The following ANKRD12 variants were observed in gnomAD, a reference collection of about 807,000 sequenced individuals.
ANKRD12 encodes ankyrin repeat domain-containing protein 12.
A neutral mutation model predicts 183.4 loss-of-function variants in ANKRD12; 85 were observed. The ratio of observed to expected loss-of-function variants is 0.46; its 90% CI spans 0.39 to 0.56. The LOEUF is 0.56. Ranked by LOEUF, ANKRD12 falls within the 20% of genes least tolerant of loss-of-function variation. ANKRD12 has a pLI of 0.00. For synonymous variants in ANKRD12, 914 were observed against 800.2 expected (o/e 1.14, Z -2.40); for missense variants, 2,405 against 2,357.1 (o/e 1.02, Z -0.42).
At chr18:9,150,230 T>G (rs1022879546) in intron 1 of ANKRD12, among the ~76,000 whole-genome samples, 1 of 152,192 alleles carries the variant, frequency 6.6e-6, no homozygotes, top group Non-Finnish European at 1.5e-5. Context: ...ATCTTTTGCT[T>G]CTTTCCCTAT....
chr18:9,194,253 C>A (rs1156851174), intron 2 of ANKRD12, among the ~76,000 whole-genome samples: 3 of 152,050 alleles, frequency 2.0e-5, no homozygotes, highest in Non-Finnish European at 4.4e-5. Context: ...TGAGATTTTG[C>A]ATTTCTAGTA....
At chr18:9,253,862 GGTATACACCCAAAAGAAAGGAAATCA>G (rs1242115800) in intron 8 of ANKRD12, among the ~76,000 whole-genome samples, 6 of 152,006 alleles carry the variant, frequency 3.9e-5, no homozygotes, top group African/African-American at 7.3e-5. Context: ...CCAACTGCTG[GGTATACACCCAAAAGAAAGGAAATCA>G]GTATATCAAA....
chr18:9,185,189 G>A (rs1307114641), intron 2 of ANKRD12, among the ~76,000 whole-genome samples: 1 of 152,200 alleles, frequency 6.6e-6, no homozygotes, highest in African/African-American at 2.4e-5. Context: ...CACTAGACAA[G>A]GAGCAGTTCA....
At chr18:9,187,985 A>G (rs987010654) in intron 2 of ANKRD12, among the ~76,000 whole-genome samples, 11 of 152,234 alleles carry the variant, frequency 7.2e-5, no homozygotes, top group African/African-American at 2.7e-4. Flanking sequence ...AAATTAGAAA[A>G]TACATATAAG....
chr18:9,195,487 G>T (rs2034727003), intron 2 of ANKRD12, 64 bp from the exon 3 acceptor site: 20 of 1,220,606 alleles, frequency 1.6e-5, no homozygotes, highest in South Asian at 2.1e-5. Context: ...TTTCCTTAGG[G>T]GTTTCTATAC....
At chr18:9,175,998 C>T (rs2033234421) in intron 1 of ANKRD12, among the ~76,000 whole-genome samples, 1 of 152,160 alleles carries the variant, frequency 6.6e-6, no homozygotes, top group Admixed American at 6.6e-5. Context: ...AGAAGTCTGT[C>T]AGACAAGACT....
At chr18:9,152,353 G>A (rs945015227) in intron 1 of ANKRD12, among the ~76,000 whole-genome samples, 54 of 152,172 alleles carry the variant, frequency 3.5e-4, no homozygotes, top group African/African-American at 1.2e-3. Context: ...CATTGGCCCA[G>A]GAATGGCAGA....
At chr18:9,246,501 G>A (rs933654057) in intron 8 of ANKRD12, among the ~76,000 whole-genome samples, 13 of 152,126 alleles carry the variant, frequency 8.5e-5, no homozygotes, top group Admixed American at 4.6e-4. Context: ...TTGAAAGACT[G>A]ATGGTTTCCA....
intron 6 of ANKRD12, among the ~76,000 whole-genome samples, chr18:9,214,804 C>T (rs575087478): frequency 6.6e-6 from 1 of 152,268 alleles, no homozygotes; most frequent in Admixed American, 6.5e-5. Context: ...ATTGATGGAG[C>T]TATGCTAGTG....
chr18:9,150,304 A>T (rs1219134096), intron 1 of ANKRD12, among the ~76,000 whole-genome samples: 4 of 152,134 alleles, frequency 2.6e-5, no homozygotes, highest in Admixed American at 2.6e-4. Flanking sequence ...CACTGTCTGA[A>T]GCACTCCGTT....
chr18:9,144,008 C>G (rs150203196), intron 1 of ANKRD12, among the ~76,000 whole-genome samples: 1 of 152,278 alleles, frequency 6.6e-6, no homozygotes, highest in East Asian at 1.9e-4. Flanking sequence ...TACTTACATA[C>G]CTATATTTGT....
chr18:9,278,627 T>C (rs1239783003), intron 11 of ANKRD12, among the ~76,000 whole-genome samples: 1 of 152,084 alleles, frequency 6.6e-6, no homozygotes, highest in Non-Finnish European at 1.5e-5. Context: ...TGAAACCACA[T>C]CTCTAGTAAA....
At chr18:9,261,255 G>C (rs2038948448) in intron 9 of ANKRD12, among the ~76,000 whole-genome samples, 1 of 152,170 alleles carries the variant, frequency 6.6e-6, no homozygotes, top group Non-Finnish European at 1.5e-5. Flanking sequence ...CTCTTCCACA[G>C]CATGTTATTT....
chr18:9,195,660 T>G lies in ANKRD12; in HGVS notation c.197T>G (p.Ile66Ser). 6.2e-7 allele frequency: 1 copy of G among 1,612,464 alleles called. No homozygotes were observed. The highest frequency in any genetic ancestry group is 8.5e-7 in the Non-Finnish European group (1 of 1,179,190). ...ATGAAACGTAAACTTCCTTTTACTA[T>G]TAGCCCATCAAGAAATGAAGAACGA... ...SSMKRKLPFT[I>S]SPSRNEERDS... The change falls in exon 3 of 13, where the codon ATT becomes AGT. Residue 66 changes from isoleucine (I) to serine (S), a missense_variant. Around this residue, in one of 7 missense-constraint regions of ANKRD12, gnomAD observed 145 missense variants for 145.6 expected, o/e 1.00. Transcript: ENST00000262126.
intron 7 of ANKRD12, among the ~76,000 whole-genome samples, chr18:9,221,278 T>G (rs2036405178): frequency 6.6e-6 from 1 of 152,132 alleles, no homozygotes; most frequent in Non-Finnish European, 1.5e-5. Context: ...CCTTTCAAAG[T>G]GATGACTACA....
In ANKRD12 at chr18:9,182,513, A is replaced by G. The variant is rs1265256168; in HGVS notation, c.81A>G (p.Gly27=). Residue 27 remains glycine, a synonymous_variant, in exon 2 of 13, where the codon GGA becomes GGG. Transcript: ENST00000262126. ...SDSNMVEKPY[G]RKSKDKIASY... ...GCAATATGGTAGAGAAACCATATGG[A>G]AGAAAGGTATATGATTATACTAAAG... The G allele has an allele frequency of 7.5e-6, 12 of 1,598,280 alleles. No individual in the cohort carries two copies. The highest frequency in any genetic ancestry group is 1.3e-5 in the African/African-American group (1 of 74,238).
chr18:9,203,562 G>A (rs2035302206), intron 3 of ANKRD12, among the ~76,000 whole-genome samples: 1 of 151,580 alleles, frequency 6.6e-6, no homozygotes. Flanking sequence ...TGAATTGTTA[G>A]GCAGAATTCC....
At chr18:9,175,136 A>G (rs1344659808) in intron 1 of ANKRD12, among the ~76,000 whole-genome samples, 1 of 152,028 alleles carries the variant, frequency 6.6e-6, no homozygotes, top group Non-Finnish European at 1.5e-5. Context: ...TTGTATGACC[A>G]AAGCATTTAA....
At chr18:9,262,048 G>T (rs752077305) in intron 9 of ANKRD12, among the ~76,000 whole-genome samples, 4 of 152,334 alleles carry the variant, frequency 2.6e-5, no homozygotes, top group Admixed American at 6.5e-5. Flanking sequence ...GTCAGTTCCA[G>T]TAAGTTGTTT....
Sources: gnomAD v4.1 joint callset for allele counts (sites outside exome capture counted in the v4.1 genomes callset) on GRCh38, gnomAD v4.1.1 for gene constraint, gnomAD v4.1.1 regional missense constraint, MANE v1.5 for transcripts, NCBI Gene and HGNC (gene_info 2026-07-23, HGNC 2026-07-21) for gene names.